VSX2: variants seen among roughly 807,000 people sequenced by gnomAD.
The protein encoded by VSX2 is visual system homeobox 2.
VSX2 carries 28 observed loss-of-function variants against 32.1 expected under a neutral mutation model. That is an observed-to-expected ratio of 0.87 (90% confidence interval 0.65 to 1.20). The LOEUF is 1.20. VSX2 is among the 50% of genes most tolerant of loss of function. The pLI is 0.00. For missense variants in VSX2, 506 were observed against 488.7 expected, an observed-to-expected ratio of 1.04 and a Z score of -0.33; for synonymous variants, 243 against 214.1, an observed-to-expected ratio of 1.14 and a Z score of -1.18.
chr14:74,257,711 C>CA (rs1341343407), intron 3 of VSX2, among the ~76,000 whole-genome samples: 50 of 149,468 alleles, frequency 3.3e-4, no homozygotes, highest in South Asian at 2.6e-3. Context: ...CGCGGACCAC[C>CA]CCCCACCCAC....
At chr14:74,244,927 T>TGAGAGAGA (rs1486415358) in intron 2 of VSX2, among the ~76,000 whole-genome samples, 3 of 39,330 alleles carry the variant, frequency 7.6e-5, no homozygotes, top group African/African-American at 2.2e-4. Context: ...TGTGTGTGTG[T>TGAGAGAGA]GTGAAAGAGA....
intron 3 of VSX2, among the ~76,000 whole-genome samples, chr14:74,254,471 C>T (rs944613731): frequency 3.9e-5 from 6 of 152,108 alleles, no homozygotes; most frequent in Non-Finnish European, 8.8e-5. Context: ...TTCAGGAACA[C>T]CTGTTTAGCT....
intron 2 of VSX2, among the ~76,000 whole-genome samples, chr14:74,243,178 G>T (rs1405578077): frequency 1.3e-5 from 2 of 152,184 alleles, no homozygotes; most frequent in Non-Finnish European, 2.9e-5. Flanking sequence ...GGTGATGAGA[G>T]ATGGGCTTAT....
intron 3 of VSX2, among the ~76,000 whole-genome samples, chr14:74,246,844 T>C (rs2139635509): frequency 6.6e-6 from 1 of 152,176 alleles, no homozygotes; most frequent in African/African-American, 2.4e-5. Flanking sequence ...GGAGGGTGGA[T>C]GAGGTGTTTG....
intron 3 of VSX2, among the ~76,000 whole-genome samples, chr14:74,253,719 T>C (rs1210447110): frequency 6.6e-6 from 1 of 152,038 alleles, no homozygotes; most frequent in Non-Finnish European, 1.5e-5. Flanking sequence ...TCACCTGAGG[T>C]TGGGAGCTCA....
At chr14:74,247,435 T>C (rs527784046) in intron 3 of VSX2, among the ~76,000 whole-genome samples, 2 of 152,156 alleles carry the variant, frequency 1.3e-5, no homozygotes, top group Non-Finnish European at 2.9e-5. Context: ...GCCTCTTGTG[T>C]GGAGGTAATG....
rs60714663 is a variant in VSX2 at position 74,244,981 on chromosome 14, T to TGA, written c.456-159_456-158dup. ...GTGTGTGTGTGTGTGTGTGTGTGTG[T>TGA]GAGAGAGAGAGAGAGAGAGAGAGAG... On this transcript the variant is annotated intron_variant, in intron 2 of 4. Coordinates refer to ENST00000261980, the MANE Select transcript of VSX2 (RefSeq NM_182894.3). Among the ~76,000 whole-genome samples, 407 of 37,594 alleles carry TGA rather than the reference T, an allele frequency of 0.011. 23 individuals carry two copies. Among genetic ancestry groups the TGA allele is most frequent in the South Asian group, 0.051 (63 of 1,228 alleles). The allele number at this position is 37,594 out of a possible 152,430, so 24.7% of individuals were successfully genotyped here. A position where few individuals can be genotyped will look rare whatever the true frequency, so the allele number is the denominator to read the frequency against.
chr14:74,243,003 CG>C (rs1436977835), intron 2 of VSX2, among the ~76,000 whole-genome samples: 1 of 152,104 alleles, frequency 6.6e-6, no homozygotes, highest in Non-Finnish European at 1.5e-5. Flanking sequence ...CACCAACACT[CG>C]GGTATTAACT....
At chr14:74,256,835 G>A (rs965453372) in intron 3 of VSX2, among the ~76,000 whole-genome samples, 1 of 151,778 alleles carries the variant, frequency 6.6e-6, no homozygotes, top group Admixed American at 6.6e-5. Flanking sequence ...CACCGTGCCC[G>A]GCTAATTTTT....
Position 74,239,601 on chromosome 14 carries a change from TC to T in VSX2, c.42del (p.Glu15ArgfsTer26). 1 of 1,551,060 alleles carries T rather than the reference TC, an allele frequency of 6.4e-7. No homozygotes were observed. Among genetic ancestry groups the T allele is most frequent in the Non-Finnish European group, 8.7e-7 (1 of 1,146,930 alleles). Reference protein sequence around the residue: ...KAGEALSKPKSETVAKSTSGG... With the variant: ...KAGEALSKPKXETVAKSTSGG... ...AGGGGAAGCGCTGAGCAAGCCCAAA[TC>T]CGAGACAGTGGCCAAGAGTACCTCG... On this transcript the variant is annotated frameshift_variant, in exon 1 of 5. Transcript: ENST00000261980. LOFTEE classifies it high-confidence loss of function.
At chr14:74,248,362 CA>C (rs1369409047) in intron 3 of VSX2, among the ~76,000 whole-genome samples, 2 of 78,520 alleles carry the variant, frequency 2.5e-5, no homozygotes, top group African/African-American at 3.8e-5. Context: ...CAAAAAAAAC[CA>C]AAAACGAGAC....
chr14:74,239,859 C>G lies in VSX2; in HGVS notation c.298C>G (p.Pro100Ala). 6.3e-7 allele frequency: 1 copy of G among 1,578,010 alleles called. No individual in the cohort carries two copies. Residue 100 changes from proline (P) to alanine (A), a missense_variant, in exon 1 of 5, where the codon CCG becomes GCG. Transcript: ENST00000261980. The part of the protein sequence containing the change: ...QPTFLEVLSD[P>A]QSVHLQPLGR... ...CACCTTCCTGGAAGTGCTGTCCGAC[C>G]CGCAGAGCGTCCACTTGCAGCCATT...
At chr14:74,246,926 C>A (rs1441711886) in intron 3 of VSX2, among the ~76,000 whole-genome samples, 1 of 152,088 alleles carries the variant, frequency 6.6e-6, no homozygotes, top group Non-Finnish European at 1.5e-5. Context: ...AATGCCCCAA[C>A]AGGCACATTT....
At chr14:74,248,192 CG>C (rs2079204913) in intron 3 of VSX2, among the ~76,000 whole-genome samples, 1 of 151,878 alleles carries the variant, frequency 6.6e-6, no homozygotes, top group Admixed American at 6.6e-5. Context: ...GCAGGTGAGA[CG>C]AGCAGGAAAG....
rs2079301906 is a variant in VSX2, at chr14:74,260,838, G to A, written c.1005G>A (p.Glu335=). The A allele has an allele frequency of 1.3e-6, 2 of 1,566,644 alleles. No homozygotes were observed. Among genetic ancestry groups the A allele is most frequent in the Non-Finnish European group, 1.7e-6 (2 of 1,155,864 alleles). The change falls in exon 5 of 5, where the codon GAG becomes GAA. Residue 335 remains glutamate (E), a synonymous_variant. Transcript: ENST00000261980. ...CGGACAGCCTGGCCCGGAGTACCGA[G>A]AAGCCAGAGGAGGAGGAGGCCATGG... is the stretch of plus-strand genomic sequence containing the variant. ...SGPDSLARST[E]KPEEEEAMDE... is the part of the protein sequence containing the mutation.
chr14:74,250,790 A>T (rs1366063514), intron 3 of VSX2, among the ~76,000 whole-genome samples: 1 of 151,680 alleles, frequency 6.6e-6, no homozygotes, highest in African/African-American at 2.4e-5. Context: ...CTGGGACTAC[A>T]GGTGCGCACC....
At chr14:74,248,900 C>T (rs1011119806) in intron 3 of VSX2, among the ~76,000 whole-genome samples, 5 of 152,136 alleles carry the variant, frequency 3.3e-5, no homozygotes, top group Non-Finnish European at 7.4e-5. Context: ...CCTGAGTATT[C>T]CCCCACCACA....
In VSX2 at chr14:74,239,776, G is replaced by C; in HGVS notation, c.215G>C (p.Gly72Ala). ...GCGCGCTCAGTGCTCAGCCCCGCGG[G>C]GGTGGGCGGCATGGGGCTTCTGGGG... ...LAARSVLSPA[G>A]VGGMGLLGPG... Residue 72 changes from glycine to alanine, a missense_variant, in exon 1 of 5, where the codon GGG (glycine) becomes GCG (alanine). Gly to Ala is a moderately conservative substitution (Grantham distance 60). Transcript: ENST00000261980. 6.4e-7 allele frequency: 1 copy of C among 1,557,488 alleles called. No individual in the cohort carries two copies. Among genetic ancestry groups the C allele is most frequent in the Non-Finnish European group, 8.7e-7 (1 of 1,151,668 alleles).
intron 3 of VSX2, among the ~76,000 whole-genome samples, chr14:74,249,859 G>A (rs1368659587): frequency 6.6e-6 from 1 of 152,098 alleles, no homozygotes; most frequent in East Asian, 1.9e-4. Flanking sequence ...CATCGCTCTG[G>A]GCTGGAGGTG....
Sources: gnomAD v4.1 joint callset for allele counts (sites outside exome capture counted in the v4.1 genomes callset) on GRCh38, gnomAD v4.1.1 for gene constraint, MANE v1.5 for transcripts, NCBI Gene and HGNC (gene_info 2026-07-23, HGNC 2026-07-21) for gene names.